Variants in PTGER3 observed in about 807,000 individuals in gnomAD.
The protein encoded by PTGER3 is prostaglandin E receptor 3.
In PTGER3, 22 loss-of-function variants were observed where a neutral mutation model predicts 34.7. The observed-to-expected ratio is 0.63, with a 90% confidence interval of 0.45 to 0.91. The LOEUF (loss-of-function observed/expected upper bound fraction) is 0.91. Among genes scored for constraint, PTGER3 ranks in the 40% least tolerant of loss-of-function variants. PTGER3 has a pLI of 0.00. For missense variants in PTGER3, 468 were observed against 519.4 expected, an observed-to-expected ratio of 0.90 and a Z score of 0.96; for synonymous variants, 241 against 230.1, an observed-to-expected ratio of 1.05 and a Z score of -0.43.
intron 2 of PTGER3, among the ~76,000 whole-genome samples, chr1:70,979,004 G>A (rs569691831): frequency 4.6e-5 from 7 of 152,160 alleles, no homozygotes; most frequent in South Asian, 2.1e-4. Flanking sequence ...TTTAATCCAC[G>A]CATAAATACC....
chr1:71,005,621 C>A (rs1392614915), intron 2 of PTGER3, among the ~76,000 whole-genome samples: 2 of 152,134 alleles, frequency 1.3e-5, no homozygotes, highest in Non-Finnish European at 2.9e-5. Context: ...AATAGGTATG[C>A]AATAAATATA....
chr1:71,023,633 C>T (rs1047960656), intron 1 of PTGER3, among the ~76,000 whole-genome samples: 1 of 151,836 alleles, frequency 6.6e-6, no homozygotes, highest in African/African-American at 2.4e-5. Flanking sequence ...TATCTTTTTC[C>T]TCAAAGGTGT....
chr1:70,965,406 C>T (rs76337879), intron 2 of PTGER3, among the ~76,000 whole-genome samples: 10,494 of 152,060 alleles, frequency 0.069, 460 homozygotes, highest in Middle Eastern at 0.088. Flanking sequence ...TGATGGAGAC[C>T]TAGATGTAGA....
At chr1:70,854,858 AT>A (rs1375972808) in intron 4 of PTGER3, among the ~76,000 whole-genome samples, 3 of 152,216 alleles carry the variant, frequency 2.0e-5, no homozygotes, top group African/African-American at 7.2e-5. Flanking sequence ...AGAAATTGCA[AT>A]TCTTGTGCAC....
At chr1:70,918,664 GC>G (rs1203827307) in intron 4 of PTGER3, among the ~76,000 whole-genome samples, 2 of 151,876 alleles carry the variant, frequency 1.3e-5, no homozygotes, top group African/African-American at 4.8e-5. Context: ...CACAATCTGG[GC>G]CTTACTCTCC....
chr1:70,870,279 T>C (rs983981819), intron 4 of PTGER3, among the ~76,000 whole-genome samples: 1 of 152,198 alleles, frequency 6.6e-6, no homozygotes, highest in Non-Finnish European at 1.5e-5. Context: ...TGTCCTGAGG[T>C]TGTGCAGGGC....
Position 70,883,878 on chromosome 1 carries a change from C to T in PTGER3, c.*24-31019G>A, listed in dbSNP as rs894763516. The T allele has an allele frequency of 1.7e-5, 4 of 235,338 alleles. No individual in the cohort carries two copies. In the East Asian group the frequency reaches 6.7e-4, roughly 39 times the overall value. The allele number at this position is 235,338 out of a possible 1,614,324, so 14.6% of individuals were successfully genotyped here. ...AGGTGTTCAAGACCAGCCTGGCAAA[C>T]ATGGTGAAACCTCATCTCTACTAAA... is the stretch of plus-strand genomic sequence containing the variant. On this transcript the variant is annotated intron_variant, in intron 4 of 4. Coordinates refer to the PTGER3 transcript ENST00000370931.
At chr1:71,012,835 C>T (rs1446593847) in intron 1 of PTGER3, among the ~76,000 whole-genome samples, 1 of 152,142 alleles carries the variant, frequency 6.6e-6, no homozygotes, top group Non-Finnish European at 1.5e-5. Flanking sequence ...GCCAACACTT[C>T]AACAATAACA....
chr1:70,988,843 TTAAAG>T (rs1383848534), intron 2 of PTGER3, among the ~76,000 whole-genome samples: 32 of 152,138 alleles, frequency 2.1e-4, no homozygotes, highest in Non-Finnish European at 3.5e-4. Context: ...AAGAGAAAAC[TTAAAG>T]TAATGTGAAG....
chr1:70,954,454 G>A (rs953413883), intron 2 of PTGER3, among the ~76,000 whole-genome samples: 3 of 152,058 alleles, frequency 2.0e-5, no homozygotes, highest in East Asian at 1.9e-4. Context: ...GCTGTATGTC[G>A]ACATTACTCT....
At chr1:70,971,864 T>C (rs1005325648) in intron 3 of PTGER3, 131 bp from the exon 4 acceptor site, 13 of 573,758 alleles carry the variant, frequency 2.3e-5, no homozygotes, top group African/African-American at 2.1e-4. Flanking sequence ...ACATTCTCTT[T>C]TGAAGTAATT....
chr1:71,001,952 G>T (rs536843345), intron 2 of PTGER3, among the ~76,000 whole-genome samples: 200 of 152,224 alleles, frequency 1.3e-3, no homozygotes, highest in Non-Finnish European at 2.1e-3. Context: ...CTAACCACTT[G>T]TATAGCACTT....
At chr1:70,915,468 A>C (rs1178153062) in intron 4 of PTGER3, among the ~76,000 whole-genome samples, 2 of 151,984 alleles carry the variant, frequency 1.3e-5, no homozygotes, top group Non-Finnish European at 2.9e-5. Context: ...ACGAGGTTGC[A>C]AACAGAGCAT....
chr1:71,032,408 G>A (rs947590277), intron 1 of PTGER3, among the ~76,000 whole-genome samples: 3 of 151,784 alleles, frequency 2.0e-5, no homozygotes, highest in African/African-American at 7.2e-5. Flanking sequence ...AATCTATGAT[G>A]TCTAAACAGT....
At chr1:71,036,696 G>A (rs1281717007) in intron 1 of PTGER3, among the ~76,000 whole-genome samples, 1 of 152,020 alleles carries the variant, frequency 6.6e-6, no homozygotes, top group East Asian at 1.9e-4. Flanking sequence ...AAAACTAGCC[G>A]GGTGTGGTGG....
At chr1:70,880,713 GAA>G (rs1646373270) in intron 4 of PTGER3, among the ~76,000 whole-genome samples, 4 of 148,060 alleles carry the variant, frequency 2.7e-5, no homozygotes, top group Non-Finnish European at 4.5e-5. Context: ...AAAAAAAAAA[GAA>G]TGGTGAATAT....
intron 4 of PTGER3, among the ~76,000 whole-genome samples, chr1:70,943,586 A>G (rs944223010): frequency 2.0e-5 from 3 of 152,172 alleles, no homozygotes; most frequent in African/African-American, 7.2e-5. Context: ...TCTTTTTCCA[A>G]GAATTACCCT....
intron 1 of PTGER3, 121 bp downstream of exon 1, chr1:71,046,560 G>T: frequency 5.6e-6 from 7 of 1,244,322 alleles, no homozygotes; most frequent in Non-Finnish European, 7.5e-6. Context: ...CAGGAGGAAA[G>T]GACACTTCAG....
intron 2 of PTGER3, among the ~76,000 whole-genome samples, chr1:70,994,192 T>G (rs1243748621): frequency 6.6e-6 from 1 of 152,172 alleles, no homozygotes; most frequent in African/African-American, 2.4e-5. Flanking sequence ...TCAAAAACTG[T>G]CTTCCCTTCA....
Sources: allele counts gnomAD v4.1 joint callset (sites outside exome capture counted in the v4.1 genomes callset), GRCh38; gene constraint gnomAD v4.1.1; transcripts MANE v1.5; gene names NCBI Gene and HGNC (gene_info 2026-07-23, HGNC 2026-07-21).